LRRTM4: variants seen among roughly 807,000 people sequenced by gnomAD.
LRRTM4 encodes the protein leucine rich repeat transmembrane neuronal 4.
LRRTM4 carries 25 observed loss-of-function variants against 47.6 expected under a neutral mutation model. The ratio of observed to expected loss-of-function variants is 0.53; its 90% CI spans 0.38 to 0.73. LRRTM4 has a LOEUF of 0.73. Ranked by LOEUF, LRRTM4 falls within the 30% of genes least tolerant of loss-of-function variation. The pLI, the probability that LRRTM4 is intolerant of heterozygous loss-of-function variation, is 0.00. For synonymous variants in LRRTM4, 311 were observed against 269.5 expected, an observed-to-expected ratio of 1.15 and a Z score of -1.51; for missense variants, 638 against 713.4, an observed-to-expected ratio of 0.89 and a Z score of 1.20.
intron 3 of LRRTM4, among the ~76,000 whole-genome samples, chr2:76,805,010 T>C (rs962049826): frequency 2.0e-5 from 3 of 152,076 alleles, no homozygotes; most frequent in South Asian, 2.1e-4. Flanking sequence ...AAGCGGGAGA[T>C]TGACTATGAC....
intron 3 of LRRTM4, among the ~76,000 whole-genome samples, chr2:77,132,984 A>C (rs182241963): frequency 6.6e-6 from 1 of 152,310 alleles, no homozygotes; most frequent in East Asian, 1.9e-4. Flanking sequence ...CATTTCTATT[A>C]TAGATATATA....
At chr2:76,903,378 T>C (rs1296340753) in intron 3 of LRRTM4, among the ~76,000 whole-genome samples, 1 of 151,786 alleles carries the variant, frequency 6.6e-6, no homozygotes, top group Non-Finnish European at 1.5e-5. Flanking sequence ...CTACTAAAAA[T>C]ACAAAAATTT....
chr2:77,121,785 A>T (rs545130442), intron 3 of LRRTM4, among the ~76,000 whole-genome samples: 1 of 151,958 alleles, frequency 6.6e-6, no homozygotes, highest in South Asian at 2.1e-4. Context: ...AACAAGTGAG[A>T]TGATATTTAA....
intron 3 of LRRTM4, among the ~76,000 whole-genome samples, chr2:77,503,435 C>A (rs1352942072): frequency 6.6e-6 from 1 of 151,646 alleles, no homozygotes; most frequent in Non-Finnish European, 1.5e-5. Flanking sequence ...GAGAAAAGAT[C>A]TTGGCTTACT....
intron 3 of LRRTM4, among the ~76,000 whole-genome samples, chr2:77,417,583 T>C (rs1447673311): frequency 6.6e-6 from 1 of 152,112 alleles, no homozygotes; most frequent in Non-Finnish European, 1.5e-5. Context: ...TGAGTTCATG[T>C]CCTTTGTAGG....
chr2:77,069,716 C>T (rs995425883), intron 3 of LRRTM4, among the ~76,000 whole-genome samples: 1 of 147,430 alleles, frequency 6.8e-6, no homozygotes, highest in Non-Finnish European at 1.5e-5. Flanking sequence ...AGCACAGGGC[C>T]TTCTAAAGTC....
At chr2:77,014,761 G>A (rs1219253820) in intron 3 of LRRTM4, among the ~76,000 whole-genome samples, 2 of 152,094 alleles carry the variant, frequency 1.3e-5, no homozygotes, top group East Asian at 3.9e-4. Flanking sequence ...GCAGTGAGTG[G>A]AGATTGTGCC....
chr2:77,519,892 A>T lies in LRRTM4; in HGVS notation c.5-28T>A. 6.5e-7 allele frequency: 1 copy of T among 1,529,486 alleles called. No homozygotes were observed. Among genetic ancestry groups the T allele is most frequent in the South Asian group, 1.3e-5 (1 of 79,940 alleles). The allele number at this position is 1,529,486 out of a possible 1,614,324, so 94.7% of individuals were successfully genotyped here. A position where few individuals can be genotyped will look rare whatever the true frequency, so the allele number is the denominator to read the frequency against. ...ACGATATTAAAAAAAAGACAGATGCACATTGTGAAGCTATTAAAATAAATC... is the reference window on the plus strand; with the variant it reads ...ACGATATTAAAAAAAAGACAGATGCTCATTGTGAAGCTATTAAAATAAATC... On this transcript the variant is annotated intron_variant, in intron 2 of 3. Transcript: ENST00000409884. The surrounding 1 kb of genome is among the most constrained non-coding windows in gnomAD (Gnocchi z 4.6).
chr2:77,381,998 T>C (rs1673072763), intron 3 of LRRTM4, among the ~76,000 whole-genome samples: 1 of 152,124 alleles, frequency 6.6e-6, no homozygotes, highest in Non-Finnish European at 1.5e-5. Context: ...TGATGCATTT[T>C]CATCTACATC....
At chr2:77,511,791 CATT>C (rs1679019081) in intron 3 of LRRTM4, among the ~76,000 whole-genome samples, 1 of 152,002 alleles carries the variant, frequency 6.6e-6, no homozygotes. Context: ...GCTGTCATTT[CATT>C]CCCCAAACTT....
intron 3 of LRRTM4, among the ~76,000 whole-genome samples, chr2:76,988,100 C>G (rs1235306173): frequency 6.6e-6 from 1 of 151,770 alleles, no homozygotes; most frequent in African/African-American, 2.4e-5. Context: ...CTTCTATCAA[C>G]TTTCATCTGC....
intron 3 of LRRTM4, among the ~76,000 whole-genome samples, chr2:77,188,610 A>T (rs1190387309): frequency 2.6e-5 from 4 of 152,138 alleles, no homozygotes; most frequent in African/African-American, 9.7e-5. Context: ...CCCAAATATG[A>T]TCCATCCACA....
intron 3 of LRRTM4, among the ~76,000 whole-genome samples, chr2:76,765,189 C>G (rs1484888555): frequency 6.6e-6 from 1 of 152,176 alleles, no homozygotes; most frequent in Non-Finnish European, 1.5e-5. Context: ...GTCGTCTATT[C>G]TATGCATGTC....
Position 76,903,770 on chromosome 2 carries a change from T to C in LRRTM4, c.1552-154854A>G, listed in dbSNP as rs1673725514. 2.6e-5 allele frequency among the ~76,000 whole-genome samples: 4 copies of C among 152,308 alleles called. No individual in the cohort carries two copies. In the South Asian group the frequency reaches 6.2e-4, roughly 24 times the overall value. On this transcript the variant is annotated intron_variant, in intron 3 of 3. Coordinates refer to ENST00000409884, the MANE Select transcript of LRRTM4 (RefSeq NM_001134745.3). ...CATGGAAATGGCACTTTTACTGGGT[T>C]ACAAATAATATTTATAGATCCAGTT...
chr2:77,422,159 A>T (rs1434891669), intron 3 of LRRTM4, among the ~76,000 whole-genome samples: 3 of 152,246 alleles, frequency 2.0e-5, no homozygotes, highest in African/African-American at 7.2e-5. Context: ...ATTTCTCAGA[A>T]TGGATCCTCA....
intron 3 of LRRTM4, among the ~76,000 whole-genome samples, chr2:76,857,405 C>T (rs112160065): frequency 0.028 from 4,144 of 150,416 alleles, 181 homozygotes; most frequent in African/African-American, 0.082. Flanking sequence ...ATAGAAGATA[C>T]AAATGTGTGT....
intron 3 of LRRTM4, among the ~76,000 whole-genome samples, chr2:76,791,305 G>A (rs1156547696): frequency 1.3e-5 from 2 of 151,348 alleles, no homozygotes; most frequent in Non-Finnish European, 2.9e-5. Context: ...AATAATATTG[G>A]GAACCATCAT....
At chr2:77,021,046 T>TG (rs1678248789) in intron 3 of LRRTM4, among the ~76,000 whole-genome samples, 1 of 152,156 alleles carries the variant, frequency 6.6e-6, no homozygotes, top group Non-Finnish European at 1.5e-5. Flanking sequence ...TGTGGGTCCC[T>TG]GGAACAATAA....
At chr2:77,408,110 C>T (rs1039442453) in intron 3 of LRRTM4, among the ~76,000 whole-genome samples, 3 of 152,092 alleles carry the variant, frequency 2.0e-5, no homozygotes, top group Admixed American at 1.3e-4. Context: ...AAAATATTAA[C>T]TCTTCAATAT....
Sources: gnomAD v4.1 joint callset for allele counts (sites outside exome capture counted in the v4.1 genomes callset) on GRCh38, gnomAD v4.1.1 for gene constraint, Gnocchi (gnomAD v3.1) non-coding constraint, MANE v1.5 for transcripts, NCBI Gene and HGNC (gene_info 2026-07-23, HGNC 2026-07-21) for gene names.